The following AOC1 variants were observed in gnomAD, a reference collection of about 807,000 sequenced individuals.
AOC1 encodes diamine oxidase [copper-containing].
A neutral mutation model predicts 57.1 loss-of-function variants in AOC1; 58 were observed. That is an observed-to-expected ratio of 1.02 (90% CI 0.82 to 1.26). AOC1 has a LOEUF of 1.26. AOC1 is among the 50% of genes most tolerant of loss of function. The pLI is 0.00. For synonymous variants in AOC1, 401 were observed against 423.4 expected, an observed-to-expected ratio of 0.95 and a Z score of 0.65; for missense variants, 917 against 1,005.3, an observed-to-expected ratio of 0.91 and a Z score of 1.19.
Position 150,856,411 on chromosome 7 carries a change from C to A in AOC1, c.-16-44C>A. On this transcript the variant is annotated intron_variant, in intron 1 of 4. Transcript: ENST00000360937. This position sits in a 1 kb window ranked among gnomAD's most constrained non-coding sequence, Gnocchi z 5.2. ...GCCCTAACCTGAGGGAAGCCCATCTCTGCCCATAAGACAACTAAGTTCATC... is the reference window on the plus strand; with the variant it reads ...GCCCTAACCTGAGGGAAGCCCATCTATGCCCATAAGACAACTAAGTTCATC... 2 of 1,539,938 alleles carry A rather than the reference C, an allele frequency of 1.3e-6. No homozygotes were observed. The highest frequency in any genetic ancestry group is 2.5e-5 in the South Asian group (2 of 78,852).
rs200294204 is a variant in AOC1 at position 150,857,756 on chromosome 7, G to A, written c.1286G>A (p.Arg429Gln). ...FEMPTGVPLR[R>Q]HFNSNFKGGF... is the part of the protein sequence containing the mutation. ...ATGCCCACAGGGGTGCCCCTTCGGCGGCACTTTAATTCCAACTTTAAAGGT... is the reference window on the plus strand; with the variant it reads ...ATGCCCACAGGGGTGCCCCTTCGGCAGCACTTTAATTCCAACTTTAAAGGT... Residue 429 changes from arginine (R) to glutamine (Q), a missense_variant, in exon 2 of 5, where the codon CGG becomes CAG. Physicochemically the swap from Arg to Gln is conservative, Grantham distance 43. Transcript: ENST00000360937. This position sits in a 1 kb window ranked among gnomAD's most constrained non-coding sequence, Gnocchi z 6.6. 8.1e-6 allele frequency: 13 copies of A among 1,614,142 alleles called. No individual in the cohort carries two copies. The highest frequency in any genetic ancestry group is 2.2e-5 in the South Asian group (2 of 91,074).
At chr7:150,860,676 C>T (rs1179751536) in intron 4 of AOC1, 43 bp downstream of exon 4, 7 of 1,598,116 alleles carry the variant, frequency 4.4e-6, no homozygotes, top group Non-Finnish European at 6.0e-6. Context: ...GGCCCTGCCT[C>T]CTTCCAGCTC....
chr7:150,859,170 G>T, intron 3 of AOC1, 122 bp downstream of exon 3: 1 of 1,114,472 alleles, frequency 9.0e-7, no homozygotes, highest in Non-Finnish European at 1.2e-6. Flanking sequence ...ATATACGTAT[G>T]TGTATATCTG....
rs553408606 is a variant in AOC1 at position 150,857,595 on chromosome 7, C to T, written c.1125C>T (p.Gly375=). ...TGCAGACCAAGTACCTCGATGTCGGCTGGGGCCTGGGCAGCGTCACTCATG... is the reference window on the plus strand; with the variant it reads ...TGCAGACCAAGTACCTCGATGTCGGTTGGGGCCTGGGCAGCGTCACTCATG... The part of the protein sequence containing the change: ...AGMQTKYLDV[G]WGLGSVTHEL... Residue 375 remains glycine (G), a synonymous_variant, in exon 2 of 5, where the codon GGC becomes GGT. Transcript: ENST00000360937. This position sits in a 1 kb window ranked among gnomAD's most constrained non-coding sequence, Gnocchi z 6.6. The T allele has an allele frequency of 6.2e-7, 1 of 1,613,978 alleles. No homozygotes were observed. The highest frequency in any genetic ancestry group is 2.2e-5 in the East Asian group (1 of 44,880).
chr7:150,855,660 A>G (rs887106563), intron 1 of AOC1, among the ~76,000 whole-genome samples: 49 of 152,206 alleles, frequency 3.2e-4, no homozygotes, highest in African/African-American at 1.1e-3. Context: ...CCCCAAAGCC[A>G]TCAGTCTGCA....
chr7:150,860,470 T>C (rs781752648), intron 3 of AOC1, 31 bp from the exon 4 acceptor site: 4 of 1,613,382 alleles, frequency 2.5e-6, no homozygotes, highest in Middle Eastern at 1.6e-4. Context: ...CCCAGGGCCC[T>C]GAGCCAAGCT....
chr7:150,857,430 CGGCTGGAGCTTTGCCT>C lies in AOC1; in HGVS notation c.961_976del (p.Gly321SerfsTer12). ...TGGAGGGCAACGCTGTGCTCTACGG[CGGCTGGAGCTTTGCCT>C]TCCGGCTGCGCTCCTCCTCCGGGCT... On this transcript the variant is annotated frameshift_variant, in exon 2 of 5. Transcript: ENST00000360937. LOFTEE classifies it high-confidence loss of function. The surrounding 1 kb of genome is among the most constrained non-coding windows in gnomAD (Gnocchi z 6.6). 6.2e-7 allele frequency: 1 copy of C among 1,610,968 alleles called. No individual in the cohort carries two copies. The highest frequency in any genetic ancestry group is 8.5e-7 in the Non-Finnish European group (1 of 1,179,506).
chr7:150,857,681 A>G lies in AOC1; in HGVS notation c.1211A>G (p.Tyr404Cys). The stretch of plus-strand genomic sequence containing the variant: ...ACCTTCCTGGACACTTTCCACTACT[A>G]TGATGCCGATGACCCGGTCCATTAT... ...TATFLDTFHYYDADDPVHYPR... is the reference protein window; with the variant it reads ...TATFLDTFHYCDADDPVHYPR... Residue 404 changes from tyrosine to cysteine, a missense_variant, in exon 2 of 5, where the codon TAT (tyrosine) becomes TGT (cysteine). Transcript: ENST00000360937. The surrounding 1 kb of genome is among the most constrained non-coding windows in gnomAD (Gnocchi z 6.6). 2 of 1,613,984 alleles carry G rather than the reference A, an allele frequency of 1.2e-6. No homozygotes were observed. Among genetic ancestry groups the G allele is most frequent in the Non-Finnish European group, 1.7e-6 (2 of 1,179,944 alleles).
chr7:150,858,074 A>T (rs765352116), intron 2 of AOC1, 34 bp downstream of exon 2: 3 of 1,493,878 alleles, frequency 2.0e-6, no homozygotes, highest in Non-Finnish European at 2.7e-6. Context: ...CCGTTCAAAC[A>T]TCTGCATCCA....
Position 150,858,658 on chromosome 7 carries a change from A to T in AOC1, c.1571-105A>T, listed in dbSNP as rs1019106051. On this transcript the variant is annotated intron_variant, in intron 2 of 4. Transcript: ENST00000360937. ...CCCCAACATCCCGGTTATTCAAGAC[A>T]GTTGGCTGTTGGATGTGGTGGAGGA... 7 of 1,245,174 alleles carry T rather than the reference A, an allele frequency of 5.6e-6. No individual in the cohort carries two copies. In the African/African-American group the frequency reaches 1.1e-4, roughly 19 times the overall value. The allele number at this position is 1,245,174 out of a possible 1,614,324, so 77.1% of individuals were successfully genotyped here.
chr7:150,861,268 G>A lies in AOC1; in HGVS notation c.*59G>A. 1 of 1,503,640 alleles carries A rather than the reference G, an allele frequency of 6.7e-7. No homozygotes were observed. Among genetic ancestry groups the A allele is most frequent in the Non-Finnish European group, 8.9e-7 (1 of 1,119,622 alleles). The allele number at this position is 1,503,640 out of a possible 1,614,324, so 93.1% of individuals were successfully genotyped here. A position where few individuals can be genotyped will look rare whatever the true frequency, so the allele number is the denominator to read the frequency against. On this transcript the variant is annotated 3_prime_UTR_variant, in exon 5 of 5. Transcript: ENST00000360937. The surrounding 1 kb of genome is among the most constrained non-coding windows in gnomAD (Gnocchi z 4.5). ...GAAGCCCAGGAGCCTCACTGGGGCAGACAATAAACCCTCAGAGCCTCGCTC... is the reference window on the plus strand; with the variant it reads ...GAAGCCCAGGAGCCTCACTGGGGCAAACAATAAACCCTCAGAGCCTCGCTC...
chr7:150,859,208 G>C (rs1799890503), intron 3 of AOC1, among the ~76,000 whole-genome samples, 160 bp downstream of exon 3: 1 of 151,928 alleles, frequency 6.6e-6, no homozygotes. Flanking sequence ...GAACAATATG[G>C]GGGGTAGGGG....
intron 1 of AOC1, among the ~76,000 whole-genome samples, chr7:150,855,560 C>T (rs1318196843): frequency 3.9e-5 from 6 of 152,132 alleles, no homozygotes; most frequent in Admixed American, 3.3e-4. Context: ...TGAAACCCTC[C>T]CTGAGGTCCC....
At chr7:150,860,703 C>T in intron 4 of AOC1, 70 bp downstream of exon 4, 3 of 1,552,752 alleles carry the variant, frequency 1.9e-6, no homozygotes, top group South Asian at 2.4e-5. Flanking sequence ...GGACCATCCT[C>T]ATCACCATCA....
Position 150,861,222 on chromosome 7 carries a change from T to A in AOC1, c.*13T>A. The A allele has an allele frequency of 6.4e-7, 1 of 1,553,480 alleles. No homozygotes were observed. The highest frequency in any genetic ancestry group is 8.8e-7 in the Non-Finnish European group (1 of 1,142,544). On this transcript the variant is annotated 3_prime_UTR_variant, in exon 5 of 5. Transcript: ENST00000360937. This position sits in a 1 kb window ranked among gnomAD's most constrained non-coding sequence, Gnocchi z 4.5. ...TAGACCTGTGTGACCAGCCCCCAGT[T>A]CCTCCCCCAGTTCCTCCCAGGAAGC... is the stretch of plus-strand genomic sequence containing the variant.
chr7:150,861,302 G>C lies in AOC1; in HGVS notation c.*93G>C, dbSNP rs1025788413. 5 of 1,400,378 alleles carry C rather than the reference G, an allele frequency of 3.6e-6. No individual in the cohort carries two copies. The African/African-American group carries it at 7.2e-5, about 20-fold the overall frequency. 86.7% of individuals were successfully genotyped at this position (1,400,378 alleles called of 1,614,324 possible). A position where few individuals can be genotyped will look rare whatever the true frequency, so the allele number is the denominator to read the frequency against. On this transcript the variant is annotated 3_prime_UTR_variant, in exon 5 of 5. Coordinates refer to ENST00000360937, the MANE Select transcript of AOC1 (RefSeq NM_001091.4). The surrounding 1 kb of genome is among the most constrained non-coding windows in gnomAD (Gnocchi z 4.5). ...CCCTCAGAGCCTCGCTCTGTGTGCT[G>C]CTTCTTGCGGGGAGGCACAGGGCCA...
chr7:150,857,962 G>A lies in AOC1; in HGVS notation c.1492G>A (p.Gly498Ser), dbSNP rs770302701. The change falls in exon 2 of 5, where the codon GGC becomes AGC. Residue 498 changes from glycine to serine, a missense_variant. By Grantham distance (56) the Gly-to-Ser change is moderately conservative. Transcript: ENST00000360937. This position sits in a 1 kb window ranked among gnomAD's most constrained non-coding sequence, Gnocchi z 6.6. ...CTACACCCCCGAGGGGCTGCGCCACGGCACTCGCCTGCACACCCACCTGAT... is the reference window on the plus strand; with the variant it reads ...CTACACCCCCGAGGGGCTGCGCCACAGCACTCGCCTGCACACCCACCTGAT... The part of the protein sequence containing the change: ...TFYTPEGLRH[G>S]TRLHTHLIGN... 1.2e-5 allele frequency: 19 copies of A among 1,600,922 alleles called. No homozygotes were observed. The highest frequency in any genetic ancestry group is 4.5e-5 in the East Asian group (2 of 44,790).
At chr7:150,855,351 G>A (rs573396357) in intron 1 of AOC1, among the ~76,000 whole-genome samples, 25 of 152,280 alleles carry the variant, frequency 1.6e-4, no homozygotes, top group African/African-American at 5.1e-4. Context: ...TAGCAACAGC[G>A]CAACAGGCAA....
rs767063031 is a variant in AOC1, at chr7:150,857,704, T to C, written c.1234T>C (p.Tyr412His). 3.7e-6 allele frequency: 6 copies of C among 1,614,024 alleles called. No individual in the cohort carries two copies. The Admixed American group carries it at 8.3e-5, about 22-fold the overall frequency. ...HYYDADDPVH[Y>H]PRALCLFEMP... ...CTATGATGCCGATGACCCGGTCCATTATCCCCGAGCCCTCTGCCTCTTTGA... is the reference window on the plus strand; with the variant it reads ...CTATGATGCCGATGACCCGGTCCATCATCCCCGAGCCCTCTGCCTCTTTGA... Residue 412 changes from tyrosine to histidine, a missense_variant, in exon 2 of 5, where the codon TAT becomes CAT. By Grantham distance (83) the Tyr-to-His change is moderately conservative. Coordinates refer to ENST00000360937, the MANE Select transcript of AOC1 (RefSeq NM_001091.4). The surrounding 1 kb of genome is among the most constrained non-coding windows in gnomAD (Gnocchi z 6.6).
Sources: allele counts gnomAD v4.1 joint callset (sites outside exome capture counted in the v4.1 genomes callset), GRCh38; gene constraint gnomAD v4.1.1; non-coding constraint Gnocchi (gnomAD v3.1); transcripts MANE v1.5; gene names NCBI Gene and HGNC (gene_info 2026-07-23, HGNC 2026-07-21).